Variants in ROBO2 observed in about 807,000 individuals in gnomAD.
The protein encoded by ROBO2 is roundabout homolog 2.
A neutral mutation model predicts 160.8 loss-of-function variants in ROBO2; 53 were observed. The observed-to-expected ratio is 0.33, with a 90% CI of 0.26 to 0.41. The LOEUF (loss-of-function observed/expected upper bound fraction) is 0.41. Ranked by LOEUF, ROBO2 falls within the 10% of genes least tolerant of loss-of-function variation. ROBO2 has a pLI of 1.00. For synonymous variants in ROBO2, 664 were observed against 611.7 expected, an observed-to-expected ratio of 1.09 and a Z score of -1.26; for missense variants, 1,577 against 1,722.4, an observed-to-expected ratio of 0.92 and a Z score of 1.49.
In ROBO2 at chr3:76,696,116, C is replaced by A. The variant is rs201499719; in HGVS notation, c.110-401898C>A. The stretch of plus-strand genomic sequence containing the variant: ...AAATATATTTAATTCTGATCCAATT[C>A]CTGCCGCACAACTCAGCTGTGAATG... On this transcript the variant is annotated intron_variant, in intron 2 of 26. Transcript: ENST00000487694. Among the ~76,000 whole-genome samples, 15 of 152,232 alleles carry A rather than the reference C, an allele frequency of 9.9e-5. No individual in the cohort carries two copies. In the East Asian group the frequency reaches 2.9e-3, roughly 29 times the overall value.
chr3:75,991,547 G>A (rs2065571692), intron 2 of ROBO2, among the ~76,000 whole-genome samples: 1 of 152,160 alleles, frequency 6.6e-6, no homozygotes, highest in Non-Finnish European at 1.5e-5. Context: ...ATGTGGAACA[G>A]TAAGTCCATT....
intron 2 of ROBO2, among the ~76,000 whole-genome samples, chr3:76,301,409 A>G (rs979725104): frequency 6.6e-6 from 1 of 152,178 alleles, no homozygotes; most frequent in African/African-American, 2.4e-5. Flanking sequence ...ACTGAGAATT[A>G]TATAACTTGA....
At chr3:76,242,683 G>A (rs933592488) in intron 2 of ROBO2, among the ~76,000 whole-genome samples, 23 of 152,034 alleles carry the variant, frequency 1.5e-4, no homozygotes, top group Admixed American at 3.9e-4. Flanking sequence ...CCCTGGAATC[G>A]GAGATCAACC....
intron 2 of ROBO2, among the ~76,000 whole-genome samples, chr3:76,739,300 A>G (rs958556192): frequency 6.6e-6 from 1 of 152,202 alleles, no homozygotes; most frequent in Non-Finnish European, 1.5e-5. Context: ...CTATGCAGCC[A>G]TAAAAAATGA....
chr3:77,019,730 C>G lies in ROBO2; in HGVS notation c.110-78284C>G, dbSNP rs534646284. Among the ~76,000 whole-genome samples, 16 of 152,264 alleles carry G rather than the reference C, an allele frequency of 1.1e-4. No individual in the cohort carries two copies. The South Asian group carries it at 3.1e-3, about 30-fold the overall frequency. ...TTTAAATAATTTTTGGTGACCCTTT[C>G]CTCTGCAAGTATTTGTAACTAAGAA... On this transcript the variant is annotated intron_variant, in intron 2 of 26. Transcript: ENST00000487694.
intron 2 of ROBO2, among the ~76,000 whole-genome samples, chr3:76,632,030 C>A (rs1021177314): frequency 1.3e-5 from 2 of 152,176 alleles, no homozygotes; most frequent in East Asian, 1.9e-4. Flanking sequence ...TGTATTAATT[C>A]ATTCATTTAT....
intron 2 of ROBO2, among the ~76,000 whole-genome samples, chr3:76,173,968 A>G (rs1209868971): frequency 6.6e-6 from 1 of 152,144 alleles, no homozygotes; most frequent in African/African-American, 2.4e-5. Context: ...GAACTAATTT[A>G]CACTCCCACC....
chr3:76,942,222 T>C (rs977793311), intron 2 of ROBO2, among the ~76,000 whole-genome samples: 4 of 152,218 alleles, frequency 2.6e-5, no homozygotes, highest in Admixed American at 2.0e-4. Flanking sequence ...CACTGATTTG[T>C]TTTCCTTTTC....
intron 2 of ROBO2, among the ~76,000 whole-genome samples, chr3:76,796,765 A>C (rs1401104019): frequency 6.6e-6 from 1 of 152,114 alleles, no homozygotes; most frequent in East Asian, 1.9e-4. Flanking sequence ...AAGATATTCC[A>C]TGCAAATGGA....
intron 2 of ROBO2, among the ~76,000 whole-genome samples, chr3:76,433,752 A>G (rs962003692): frequency 6.6e-6 from 1 of 152,210 alleles, no homozygotes; most frequent in Non-Finnish European, 1.5e-5. Flanking sequence ...CCAAGCTTCC[A>G]TTTCTAGAAT....
At chr3:76,226,264 A>G (rs947014947) in intron 2 of ROBO2, among the ~76,000 whole-genome samples, 6 of 152,216 alleles carry the variant, frequency 3.9e-5, no homozygotes, top group South Asian at 2.1e-4. Context: ...TAATTTAAAG[A>G]TGATGGAGAT....
At chr3:76,612,035 T>C (rs925328283) in intron 2 of ROBO2, among the ~76,000 whole-genome samples, 1 of 152,234 alleles carries the variant, frequency 6.6e-6, no homozygotes, top group African/African-American at 2.4e-5. Context: ...TTCAGAAGCA[T>C]TGTTTAATTT....
intron 2 of ROBO2, among the ~76,000 whole-genome samples, chr3:76,497,148 G>A (rs558659872): frequency 1.3e-5 from 2 of 152,072 alleles, no homozygotes; most frequent in Non-Finnish European, 2.9e-5. Flanking sequence ...GCCTTTGCAC[G>A]TATACTTTTC....
At chr3:77,145,619 G>A (rs935321697) in intron 2 of ROBO2, among the ~76,000 whole-genome samples, 1 of 152,014 alleles carries the variant, frequency 6.6e-6, no homozygotes, top group African/African-American at 2.4e-5. Context: ...ATCTAGTAAG[G>A]GAGCACTTTT....
chr3:76,988,233 A>G (rs1469420325), intron 2 of ROBO2, among the ~76,000 whole-genome samples: 1 of 152,210 alleles, frequency 6.6e-6, no homozygotes, highest in Non-Finnish European at 1.5e-5. Flanking sequence ...CCAAATAAAA[A>G]TATACTGTAA....
At chr3:76,328,110 A>G (rs536545334) in intron 2 of ROBO2, among the ~76,000 whole-genome samples, 18 of 152,318 alleles carry the variant, frequency 1.2e-4, no homozygotes, top group African/African-American at 3.8e-4. Context: ...CAACATATAC[A>G]ATAGTTCCTT....
In ROBO2 at chr3:76,657,706, ATG is replaced by A. The variant is rs369300679; in HGVS notation, c.110-440302_110-440301del. 1.0e-3 allele frequency among the ~76,000 whole-genome samples: 143 copies of A among 141,890 alleles called. 2 individuals carry two copies. Among genetic ancestry groups the A allele is most frequent in the South Asian group, 8.5e-3 (40 of 4,698 alleles). The allele number at this position is 141,890 out of a possible 152,430, so 93.1% of individuals were successfully genotyped here. A position where few individuals can be genotyped will look rare whatever the true frequency, so the allele number is the denominator to read the frequency against. On this transcript the variant is annotated intron_variant, in intron 2 of 26. Coordinates refer to the ROBO2 transcript ENST00000487694. ...TATATGTGTGTATATATATTCATAT[ATG>A]TGTGTATATATATTCATATATGAGT...
intron 2 of ROBO2, among the ~76,000 whole-genome samples, chr3:77,144,048 G>T (rs746574073): frequency 1.8e-4 from 27 of 152,094 alleles, no homozygotes; most frequent in African/African-American, 6.3e-4. Flanking sequence ...TGCATGATCC[G>T]ATCTTACCTT....
chr3:76,426,615 A>G (rs1401864984), intron 2 of ROBO2, among the ~76,000 whole-genome samples: 1 of 152,228 alleles, frequency 6.6e-6, no homozygotes, highest in African/African-American at 2.4e-5. Flanking sequence ...TTTAAAAGGA[A>G]ACAAACAGGA....
Sources: allele counts gnomAD v4.1 joint callset (sites outside exome capture counted in the v4.1 genomes callset), GRCh38; gene constraint gnomAD v4.1.1; transcripts MANE v1.5; gene names NCBI Gene and HGNC (gene_info 2026-07-23, HGNC 2026-07-21).